SORBS3: variants seen among roughly 807,000 people sequenced by gnomAD.
SORBS3 encodes sorbin and SH3 domain containing 3.
SORBS3 carries 69 observed loss-of-function variants against 98.0 expected under a neutral mutation model. The observed-to-expected ratio is 0.70, with a 90% CI of 0.58 to 0.86. SORBS3 has a LOEUF of 0.86. Among genes scored for constraint, SORBS3 ranks in the 40% least tolerant of loss-of-function variants. The pLI, the probability that SORBS3 is intolerant of heterozygous loss-of-function variation, is 0.00. For missense variants in SORBS3, 954 were observed against 908.5 expected, an observed-to-expected ratio of 1.05 and a Z score of -0.64; for synonymous variants, 394 against 355.4, an observed-to-expected ratio of 1.11 and a Z score of -1.22.
chr8:22,569,835 C>T (rs1422911824), intron 17 of SORBS3, among the ~76,000 whole-genome samples: 1 of 152,042 alleles, frequency 6.6e-6, no homozygotes, highest in Non-Finnish European at 1.5e-5. Context: ...GCCCCAGCCT[C>T]CCAAGTAATT....
chr8:22,563,433 T>C (rs957079713), intron 7 of SORBS3, among the ~76,000 whole-genome samples: 1 of 96,436 alleles, frequency 1.0e-5, no homozygotes, highest in Non-Finnish European at 2.5e-5. Flanking sequence ...AGCACCCTCA[T>C]GGAACTAGGC....
At chr8:22,571,264 C>A (rs992082473) in intron 18 of SORBS3, 43 bp downstream of exon 18, 3 of 1,142,464 alleles carry the variant, frequency 2.6e-6, no homozygotes, top group Admixed American at 2.2e-5. Context: ...CTCCTCCTCA[C>A]CCCTCATCCC....
At position 22,558,951 on chromosome 8, in the gene SORBS3, G is replaced by A. The variant is rs1484190128; in HGVS notation, c.478+759G>A. Reference sequence around the variant, plus strand: ...GGGCAAGGAGAGCCTGGCCTGGAGCGAGGAGCATGTGGTGGGAGATGGAGT... The same window carrying A: ...GGGCAAGGAGAGCCTGGCCTGGAGCAAGGAGCATGTGGTGGGAGATGGAGT... On this transcript the variant is annotated intron_variant, in intron 5 of 20. Transcript: ENST00000240123. Among the ~76,000 whole-genome samples, 5 of 152,230 alleles carry A rather than the reference G, an allele frequency of 3.3e-5. 1 individual carries two copies. The highest frequency in any genetic ancestry group is 1.2e-4 in the African/African-American group (5 of 41,454).
intron 5 of SORBS3, among the ~76,000 whole-genome samples, chr8:22,560,150 T>C (rs985220493): frequency 2.6e-5 from 4 of 152,028 alleles, no homozygotes; most frequent in South Asian, 4.2e-4. Context: ...GCAGCCAAGA[T>C]TGTGAAACAT....
chr8:22,552,445 T>G (rs1460627822), intron 1 of SORBS3, among the ~76,000 whole-genome samples: 2 of 152,202 alleles, frequency 1.3e-5, no homozygotes, highest in African/African-American at 4.8e-5. Context: ...CTCTTCCTTG[T>G]AAGTCCTCCC....
In SORBS3 at chr8:22,566,830, C is replaced by T. The variant is rs372450764; in HGVS notation, c.1152C>T (p.Ala384=). The T allele has an allele frequency of 2.2e-5, 36 of 1,613,556 alleles. No individual in the cohort carries two copies. Among genetic ancestry groups the T allele is most frequent in the East Asian group, 1.1e-4 (5 of 44,860 alleles). The stretch of plus-strand genomic sequence containing the variant: ...TCCTCTCCCCTGCCTAGAGAAAGGC[C>T]GCCAGGCTCAAGTTTGACTTCCAGG... ...PARREEKKRK[A]ARLKFDFQAQ... Residue 384 remains alanine, a synonymous_variant, in exon 15 of 21, where the codon GCC becomes GCT. Transcript: ENST00000240123.
chr8:22,564,564 G>T, intron 10 of SORBS3, 43 bp downstream of exon 10: 2 of 1,611,302 alleles, frequency 1.2e-6, no homozygotes, highest in Non-Finnish European at 1.7e-6. Flanking sequence ...TGATAAACCA[G>T]GGAGATTAGG....
rs1840402888 is a variant in SORBS3, at chr8:22,565,885, C to A, written c.950+13C>A. The A allele has an allele frequency of 5.6e-6, 7 of 1,249,392 alleles. No individual in the cohort carries two copies. 77.4% of individuals were successfully genotyped at this position (1,249,392 alleles called of 1,614,324 possible). ...GGCCCCCGGCCGGGTGAGTGGGAGA[C>A]GCGGGAGGAGGAAGGGGGCTGTCCC... On this transcript the variant is annotated intron_variant, in intron 12 of 20. Transcript: ENST00000240123.
rs1176728758 is a variant in SORBS3 at position 22,561,447 on chromosome 8, C to T, written c.517+74C>T. ...CGCCCCTCCCTGGGGCTGGGACTCG[C>T]AGCCCCGCCTGGCTTTGGGGCTCTC... On this transcript the variant is annotated intron_variant, in intron 6 of 20. Coordinates refer to ENST00000240123, the MANE Select transcript of SORBS3 (RefSeq NM_005775.5). 2.6e-6 allele frequency: 4 copies of T among 1,554,970 alleles called. No individual in the cohort carries two copies. The African/African-American group carries it at 5.4e-5, about 21-fold the overall frequency.
chr8:22,554,709 G>C lies in SORBS3; in HGVS notation c.102+101G>C. 1 of 1,419,030 alleles carries C rather than the reference G, an allele frequency of 7.0e-7. No homozygotes were observed. The highest frequency in any genetic ancestry group is 2.5e-5 in the East Asian group (1 of 40,378). The allele number at this position is 1,419,030 out of a possible 1,614,324, so 87.9% of individuals were successfully genotyped here. A position where few individuals can be genotyped will look rare whatever the true frequency, so the allele number is the denominator to read the frequency against. ...AGGAGGATGAAAGGGATGGAGGGAG[G>C]GCTGAAGAGAGCTCTGGGGGGCCTC... On this transcript the variant is annotated intron_variant, in intron 2 of 20. Coordinates refer to ENST00000240123, the MANE Select transcript of SORBS3 (RefSeq NM_005775.5). The surrounding 1 kb of genome is among the most constrained non-coding windows in gnomAD (Gnocchi z 6.5).
chr8:22,559,596 G>A (rs558324365), intron 5 of SORBS3, among the ~76,000 whole-genome samples: 15 of 152,110 alleles, frequency 9.9e-5, no homozygotes, highest in African/African-American at 2.2e-4. Flanking sequence ...CCAGCTACTC[G>A]AGAAGCTGAG....
upstream of SORBS3, among the ~76,000 whole-genome samples, chr8:22,550,494 G>A (rs887536685): frequency 1.3e-5 from 2 of 152,200 alleles, no homozygotes; most frequent in East Asian, 1.9e-4. Flanking sequence ...CCCCGCAGGC[G>A]CTAGAGGCCA....
At chr8:22,548,141 C>T (rs757020005), upstream of SORBS3, among the ~76,000 whole-genome samples, 2 of 152,204 alleles carry the variant, frequency 1.3e-5, no homozygotes, top group South Asian at 2.1e-4. Context: ...AGTGACTCTA[C>T]CAGAAATCTT....
rs1840711030 is a variant in SORBS3 at position 22,575,443 on chromosome 8, C to T, written c.*715C>T. 6.3e-6 allele frequency: 1 copy of T among 157,964 alleles called. No individual in the cohort carries two copies. Among genetic ancestry groups the T allele is most frequent in the African/African-American group, 2.4e-5 (1 of 41,492 alleles). The allele number at this position is 157,964 out of a possible 1,614,324, so 9.8% of individuals were successfully genotyped here. A position where few individuals can be genotyped will look rare whatever the true frequency, so the allele number is the denominator to read the frequency against. ...GCCCGCCTGCCTGCTGGCTCTCCCCCAGCCCCACATCCCCTCTGGAAGAGA... is the reference window on the plus strand; with the variant it reads ...GCCCGCCTGCCTGCTGGCTCTCCCCTAGCCCCACATCCCCTCTGGAAGAGA... On this transcript the variant is annotated 3_prime_UTR_variant, in exon 21 of 21. Coordinates refer to ENST00000240123, the MANE Select transcript of SORBS3 (RefSeq NM_005775.5).
At chr8:22,559,361 T>C (rs1315972339) in intron 5 of SORBS3, among the ~76,000 whole-genome samples, 1 of 152,140 alleles carries the variant, frequency 6.6e-6, no homozygotes, top group East Asian at 1.9e-4. Flanking sequence ...CCTCAGCAAG[T>C]TGAAGATTGG....
intron 9 of SORBS3, 28 bp from the exon 10 acceptor site, chr8:22,564,440 G>A: frequency 6.2e-7 from 1 of 1,614,116 alleles, no homozygotes; most frequent in Non-Finnish European, 8.5e-7. Flanking sequence ...GAGTTCACCT[G>A]CTCTGACACA....
chr8:22,551,689 T>C, upstream of SORBS3: 1 of 973,024 alleles, frequency 1.0e-6, no homozygotes, highest in South Asian at 4.7e-5. The surrounding 1 kb of genome is among the most constrained non-coding windows in gnomAD (Gnocchi z 5.8). Flanking sequence ...GGGCCACCAG[T>C]GTCCCCGCGC....
At chr8:22,574,568 C>A in intron 20 of SORBS3, 99 bp from the exon 21 acceptor site, 1 of 1,207,832 alleles carries the variant, frequency 8.3e-7, no homozygotes, top group Non-Finnish European at 1.2e-6. Context: ...CAGAACTCCC[C>A]TACAGTTCTG....
chr8:22,555,674 A>C (rs1341060464), intron 3 of SORBS3, among the ~76,000 whole-genome samples: 1 of 152,146 alleles, frequency 6.6e-6, no homozygotes, highest in Non-Finnish European at 1.5e-5. Flanking sequence ...AACATGGTGA[A>C]ACCCCATCTC....
Sources: allele counts gnomAD v4.1 joint callset (sites outside exome capture counted in the v4.1 genomes callset), GRCh38; gene constraint gnomAD v4.1.1; non-coding constraint Gnocchi (gnomAD v3.1); transcripts MANE v1.5; gene names NCBI Gene and HGNC (gene_info 2026-07-23, HGNC 2026-07-21).